Variants in AQP2 observed in about 807,000 individuals in gnomAD.
AQP2 encodes the protein aquaporin 2, also known as aquaporin-2.
In AQP2, 20 loss-of-function variants were observed where a neutral mutation model predicts 21.6. That is an observed-to-expected ratio of 0.92 (90% CI 0.65 to 1.34). The LOEUF (loss-of-function observed/expected upper bound fraction) is 1.34, where lower values mean the gene tolerates loss of function less well. Among genes scored for constraint, AQP2 ranks in the 40% most tolerant of loss-of-function variants. AQP2 has a pLI of 0.00. For synonymous variants in AQP2, 168 were observed against 166.9 expected (o/e 1.01, Z -0.05); for missense variants, 325 against 363.4 (o/e 0.89, Z 0.86).
At chr12:49,954,564 C>T in intron 2 of AQP2, 66 bp from the exon 3 acceptor site, 8 of 1,562,444 alleles carry the variant, frequency 5.1e-6, no homozygotes, top group African/African-American at 1.4e-5. Flanking sequence ...CACTGCAGTG[C>T]GGGACAAGGA....
Position 49,954,684 on chromosome 12 carries a change from G to T in AQP2, c.580G>T (p.Val194Phe). Residue 194 changes from valine (V) to phenylalanine (F), a missense_variant, in exon 3 of 4, where the codon GTC becomes TTC. Coordinates refer to ENST00000199280, the MANE Select transcript of AQP2 (RefSeq NM_000486.6). ...NPARSLAPAV[V>F]TGKFDDHWVF... is the part of the protein sequence containing the mutation. ...TGCCCGCTCCCTGGCTCCAGCTGTC[G>T]TCACTGGCAAATTTGATGACCACTG... is the stretch of plus-strand genomic sequence containing the variant. The T allele has an allele frequency of 6.2e-7, 1 of 1,614,114 alleles. No individual in the cohort carries two copies. Among genetic ancestry groups the T allele is most frequent in the Non-Finnish European group, 8.5e-7 (1 of 1,180,024 alleles).
intron 3 of AQP2, 111 bp from the exon 4 acceptor site, chr12:49,955,288 G>A (rs1455557008): frequency 2.7e-6 from 3 of 1,103,954 alleles, no homozygotes; most frequent in Non-Finnish European, 3.8e-6. Flanking sequence ...CATTTTACTA[G>A]ATTAATGTCG....
At chr12:49,951,833 C>T (rs1470054656) in intron 1 of AQP2, 1 of 152,548 alleles carries the variant, frequency 6.6e-6, no homozygotes, top group Non-Finnish European at 1.5e-5. Flanking sequence ...CCACCCACTT[C>T]CCCTCTCAAG....
Position 49,950,753 on chromosome 12 carries a change from A to G in AQP2, c.-78A>G, listed in dbSNP as rs1170478225. The G allele has an allele frequency of 4.3e-5, 66 of 1,547,802 alleles. No individual in the cohort carries two copies. The highest frequency in any genetic ancestry group is 5.4e-5 in the Non-Finnish European group (62 of 1,146,118). Reference sequence around the variant, plus strand: ...CCTCCCCAGAGGCCTTGAGAAAGAGAGCGATAGAGTGCGAGAGCGAGTGCC... The same window carrying G: ...CCTCCCCAGAGGCCTTGAGAAAGAGGGCGATAGAGTGCGAGAGCGAGTGCC... On this transcript the variant is annotated 5_prime_UTR_variant, in exon 1 of 4. Transcript: ENST00000199280.
At chr12:49,951,280 T>A in intron 1 of AQP2, 90 bp downstream of exon 1, 2 of 1,466,136 alleles carry the variant, frequency 1.4e-6, no homozygotes, top group Non-Finnish European at 1.8e-6. Flanking sequence ...CTCTGGGTGA[T>A]GTAGGGAGAG....
Position 49,956,116 on chromosome 12 carries a change from G to A in AQP2, c.*508G>A, listed in dbSNP as rs752153729. 6 of 180,792 alleles carry A rather than the reference G, an allele frequency of 3.3e-5. No homozygotes were observed. The highest frequency in any genetic ancestry group is 7.1e-5 in the Non-Finnish European group (6 of 85,054). 11.2% of individuals were successfully genotyped at this position (180,792 alleles called of 1,614,324 possible). ...TACGTTGGTGCAAGTGTGCATGGCT[G>A]GGGACTTCTCACTTCCCCTTGCACC... On this transcript the variant is annotated 3_prime_UTR_variant, in exon 4 of 4. Coordinates refer to ENST00000199280, the MANE Select transcript of AQP2 (RefSeq NM_000486.6).
chr12:49,954,100 G>C, intron 1 of AQP2, 55 bp from the exon 2 acceptor site: 1 of 1,594,660 alleles, frequency 6.3e-7, no homozygotes. Flanking sequence ...GGAAGATGGA[G>C]CCAGAGAGGA....
chr12:49,958,352 A>G lies in AQP2; in HGVS notation c.*2744A>G, dbSNP rs552569294. Reference sequence around the variant, plus strand: ...CACTTGAACTCAGACCTTTTTACACAAAATCCCATGATTTTTCCACTGAGA... The same window carrying G: ...CACTTGAACTCAGACCTTTTTACACGAAATCCCATGATTTTTCCACTGAGA... On this transcript the variant is annotated 3_prime_UTR_variant, in exon 4 of 4. Transcript: ENST00000199280. The G allele has an allele frequency of 6.6e-6, 1 of 152,262 alleles. No homozygotes were observed. The highest frequency in any genetic ancestry group is 1.5e-5 in the Non-Finnish European group (1 of 68,050). The allele number at this position is 152,262 out of a possible 1,614,324, so 9.4% of individuals were successfully genotyped here. A position where few individuals can be genotyped will look rare whatever the true frequency, so the allele number is the denominator to read the frequency against.
intron 1 of AQP2, 85 bp downstream of exon 1, chr12:49,951,275 G>T: frequency 6.8e-7 from 1 of 1,473,076 alleles, no homozygotes; most frequent in Admixed American, 2.5e-5. Context: ...ATGGGCTCTG[G>T]GTGATGTAGG....
Position 49,955,816 on chromosome 12 carries a change from T to C in AQP2, c.*208T>C, listed in dbSNP as rs1030365681. 1.4e-6 allele frequency: 1 copy of C among 734,834 alleles called. No homozygotes were observed. Among genetic ancestry groups the C allele is most frequent in the African/African-American group, 1.7e-5 (1 of 57,766 alleles). 45.5% of individuals were successfully genotyped at this position (734,834 alleles called of 1,614,324 possible). On this transcript the variant is annotated 3_prime_UTR_variant, in exon 4 of 4. Transcript: ENST00000199280. ...CCTGAGCCTGGCAGGTCCCCTGCCC[T>C]GAGGCTGTGAGCAGCTAGTGGTGGC... is the stretch of plus-strand genomic sequence containing the variant.
intron 1 of AQP2, 178 bp downstream of exon 1, chr12:49,951,368 T>G: frequency 1.2e-6 from 1 of 866,514 alleles, no homozygotes; most frequent in Non-Finnish European, 1.7e-6. Context: ...AAAGGAGCAA[T>G]GATACCAGAG....
Position 49,955,613 on chromosome 12 carries a change from CGCCAGCGGCCTCT to C in AQP2, c.*6_*18del. The C allele has an allele frequency of 6.4e-7, 1 of 1,551,948 alleles. No individual in the cohort carries two copies. On this transcript the variant is annotated 3_prime_UTR_variant, in exon 4 of 4. Transcript: ENST00000199280. ...CCACGGGGTACCAAGGCCTGAGGGC[CGCCAGCGGCCTCT>C]ACGGCCCCGACGGACGCTTGTGAGG...
intron 3 of AQP2, 147 bp downstream of exon 3, chr12:49,954,857 C>T (rs1334070458): frequency 2.2e-6 from 2 of 893,970 alleles, no homozygotes; most frequent in Non-Finnish European, 3.6e-6. Context: ...TTGGGTTCCA[C>T]CCCTCAGATC....
rs139064235 is a variant in AQP2, at chr12:49,954,184, G to C, written c.390G>C (p.Ala130=). The C allele has an allele frequency of 8.1e-6, 13 of 1,600,522 alleles. No individual in the cohort carries two copies. The highest frequency in any genetic ancestry group is 5.5e-5 in the South Asian group (5 of 91,036). ...GCAACAGCACGACGGCTGGCCAGGC[G>C]GTGACTGTGGAGCTCTTCCTGACAC... The part of the protein sequence containing the change: ...ALSNSTTAGQ[A]VTVELFLTLQ... The change falls in exon 2 of 4, where the codon GCG becomes GCC. Residue 130 remains alanine (A), a synonymous_variant. Transcript: ENST00000199280.
intron 3 of AQP2, 146 bp downstream of exon 3, chr12:49,954,856 AC>A (rs1947355140): frequency 2.2e-6 from 2 of 925,606 alleles, no homozygotes; most frequent in Non-Finnish European, 3.4e-6. Context: ...CTTGGGTTCC[AC>A]CCCTCAGATC....
chr12:49,952,866 C>G (rs1001440376), intron 1 of AQP2, among the ~76,000 whole-genome samples: 1 of 152,212 alleles, frequency 6.6e-6, no homozygotes, highest in Non-Finnish European at 1.5e-5. Context: ...GCCTGGCCAC[C>G]AGGAAGTTAA....
At position 49,954,202 on chromosome 12, in the gene AQP2, C is replaced by T; in HGVS notation, c.408C>T (p.Phe136=). Residue 136 remains phenylalanine, a synonymous_variant, in exon 2 of 4, where the codon TTC becomes TTT. Transcript: ENST00000199280. ...GCCAGGCGGTGACTGTGGAGCTCTT[C>T]CTGACACTGCAGCTGGTGCTCTGCA... ...TAGQAVTVEL[F]LTLQLVLCIF... 1 of 1,602,582 alleles carries T rather than the reference C, an allele frequency of 6.2e-7. No individual in the cohort carries two copies. Among genetic ancestry groups the T allele is most frequent in the South Asian group, 1.1e-5 (1 of 91,068 alleles).
chr12:49,953,325 C>T (rs1228139360), intron 1 of AQP2, among the ~76,000 whole-genome samples: 5 of 152,180 alleles, frequency 3.3e-5, no homozygotes, highest in Non-Finnish European at 5.9e-5. Flanking sequence ...GTGCAGTGCC[C>T]AGCCCCAGAA....
intron 3 of AQP2, 99 bp downstream of exon 3, chr12:49,954,809 C>T: frequency 1.5e-6 from 2 of 1,367,434 alleles, no homozygotes; most frequent in Non-Finnish European, 1.0e-6. Context: ...AGCAGCGGTA[C>T]CCCAAACCCT....
Sources: gnomAD v4.1 joint callset for allele counts (sites outside exome capture counted in the v4.1 genomes callset) on GRCh38, gnomAD v4.1.1 for gene constraint, MANE v1.5 for transcripts, NCBI Gene and HGNC (gene_info 2026-07-23, HGNC 2026-07-21) for gene names.